SNX5: variants seen among roughly 807,000 people sequenced by gnomAD.
SNX5 encodes the protein sorting nexin 5.
SNX5 carries 31 observed loss-of-function variants against 53.9 expected under a neutral mutation model. That is an observed-to-expected ratio of 0.58 (90% CI 0.43 to 0.78). The LOEUF (loss-of-function observed/expected upper bound fraction) is 0.78, where lower values mean the gene tolerates loss of function less well. Among genes scored for constraint, SNX5 ranks in the 30% least tolerant of loss-of-function variants. The pLI, the probability that SNX5 is intolerant of heterozygous loss-of-function variation, is 0.00. For synonymous variants in SNX5, 168 were observed against 171.1 expected, an observed-to-expected ratio of 0.98 and a Z score of 0.14; for missense variants, 471 against 478.8, an observed-to-expected ratio of 0.98 and a Z score of 0.15.
Position 17,968,361 on chromosome 20 carries a change from T to G in SNX5, c.51+14A>C. 1.6e-6 allele frequency: 2 copies of G among 1,266,336 alleles called. No homozygotes were observed. Among genetic ancestry groups the G allele is most frequent in the Non-Finnish European group, 2.0e-6 (2 of 1,001,598 alleles). 78.4% of individuals were successfully genotyped at this position (1,266,336 alleles called of 1,614,324 possible). A position where few individuals can be genotyped will look rare whatever the true frequency, so the allele number is the denominator to read the frequency against. Reference sequence around the variant, plus strand: ...GGCCGCCCGCCCAGGAGTCTGAGGCTGGGAGGACCTCACCTTGCTGCGGTC... The same window carrying G: ...GGCCGCCCGCCCAGGAGTCTGAGGCGGGGAGGACCTCACCTTGCTGCGGTC... On this transcript the variant is annotated intron_variant, in intron 1 of 12. Transcript: ENST00000377759.
chr20:17,947,775 T>C, intron 10 of SNX5, 130 bp from the exon 11 acceptor site: 1 of 725,838 alleles, frequency 1.4e-6, no homozygotes. Context: ...TCCCAGAGTA[T>C]TTTTAAATCT....
At chr20:17,946,308 A>C (rs1259869139) in intron 11 of SNX5, among the ~76,000 whole-genome samples, 1 of 152,194 alleles carries the variant, frequency 6.6e-6, no homozygotes, top group African/African-American at 2.4e-5. Flanking sequence ...CGATGAGCAT[A>C]CTCAGATGCT....
At chr20:17,960,595 A>C (rs1187729060) in intron 1 of SNX5, among the ~76,000 whole-genome samples, 1 of 116,014 alleles carries the variant, frequency 8.6e-6, no homozygotes, top group African/African-American at 3.3e-5. Context: ...ACTCCGTCTT[A>C]AAAAAACAAA....
At chr20:17,949,585 CAG>C (rs913926234) in intron 8 of SNX5, among the ~76,000 whole-genome samples, 6 of 152,064 alleles carry the variant, frequency 3.9e-5, no homozygotes, top group African/African-American at 1.4e-4. Context: ...TACATAAGTG[CAG>C]AGTGAAAATG....
intron 1 of SNX5, among the ~76,000 whole-genome samples, chr20:17,960,813 A>C (rs1278718124): frequency 1.3e-5 from 2 of 151,880 alleles, no homozygotes; most frequent in Non-Finnish European, 2.9e-5. Flanking sequence ...CAAACCCAAC[A>C]ACCCAGCCTG....
At chr20:17,956,804 G>A (rs1230750438) in intron 2 of SNX5, 129 bp downstream of exon 2, 3 of 615,236 alleles carry the variant, frequency 4.9e-6, no homozygotes, top group African/African-American at 3.7e-5. Context: ...AGATTAGGGA[G>A]GTTCTCACTT....
At position 17,954,274 on chromosome 20, in the gene SNX5, C is replaced by A. The variant is rs2122381245; in HGVS notation, c.268-157G>T. The A allele has an allele frequency of 5.1e-6, 6 of 1,167,696 alleles. No homozygotes were observed. In the East Asian group the frequency reaches 1.4e-4, roughly 27 times the overall value. The allele number at this position is 1,167,696 out of a possible 1,614,324, so 72.3% of individuals were successfully genotyped here. ...CCTGTTTTTTCTTAACCTTCCTTAA[C>A]TCTTCTGGACATTTAAAATGAGGTG... On this transcript the variant is annotated intron_variant, in intron 3 of 12. Transcript: ENST00000377759.
chr20:17,961,547 G>A, intron 1 of SNX5: 1 of 984,166 alleles, frequency 1.0e-6, no homozygotes, highest in Non-Finnish European at 1.2e-6. Context: ...GTAAGACATG[G>A]ATACAATATG....
intron 1 of SNX5, chr20:17,961,295 T>C (rs908348771): frequency 1.0e-6 from 1 of 985,314 alleles, no homozygotes; most frequent in Non-Finnish European, 1.2e-6. Flanking sequence ...AAAGGTTTAA[T>C]GGCTTACAGA....
intron 11 of SNX5, chr20:17,945,184 C>T (rs1316361163): frequency 6.6e-6 from 1 of 152,160 alleles, no homozygotes; most frequent in East Asian, 1.9e-4. Flanking sequence ...TTTATCAGTC[C>T]CTTGGATATC....
chr20:17,947,485 C>A lies in SNX5; in HGVS notation c.1078+1G>T. On this transcript the variant is annotated splice_donor_variant, in intron 11 of 12. Transcript: ENST00000377759. LOFTEE classifies it high-confidence loss of function. ...ACAGAAAGAAGAATGTCCTGCTCAA[C>A]CTTCTTTTGCAGATTCGGAAAGTTG... The A allele has an allele frequency of 6.2e-7, 1 of 1,612,190 alleles. No homozygotes were observed. Among genetic ancestry groups the A allele is most frequent in the Non-Finnish European group, 8.5e-7 (1 of 1,179,252 alleles).
chr20:17,959,206 G>A (rs1205854431), intron 1 of SNX5, among the ~76,000 whole-genome samples: 1 of 152,214 alleles, frequency 6.6e-6, no homozygotes, highest in African/African-American at 2.4e-5. Flanking sequence ...ATGTAATCAA[G>A]TAAATGGAGC....
chr20:17,947,189 G>A (rs2039498077), intron 11 of SNX5: 2 of 305,844 alleles, frequency 6.5e-6, no homozygotes, highest in Non-Finnish European at 1.2e-5. Flanking sequence ...CAACCATACT[G>A]TAACCATACA....
chr20:17,956,668 G>C (rs2035360154), intron 2 of SNX5, among the ~76,000 whole-genome samples: 1 of 91,568 alleles, frequency 1.1e-5, no homozygotes, highest in Non-Finnish European at 1.9e-5. Flanking sequence ...CAATGAGACT[G>C]TCTCCAAAAA....
chr20:17,949,775 AAAG>A (rs745339178), intron 8 of SNX5, among the ~76,000 whole-genome samples: 3 of 152,224 alleles, frequency 2.0e-5, no homozygotes, highest in Admixed American at 1.3e-4. Flanking sequence ...GGCCAAAAAA[AAAG>A]AAGGTCTAGG....
rs778601423 is a variant in SNX5, at chr20:17,955,407, T to C, written c.225A>G (p.Leu75=). The change falls in exon 3 of 13, where the codon CTA becomes CTG. Residue 75 remains leucine (L), a synonymous_variant. Coordinates refer to ENST00000377759, the MANE Select transcript of SNX5 (RefSeq NM_014426.4). ...CTGTTGTTTCAATAAGAGTGTCATGTAGCCACACAAAGTCTTCATGTTGCC... is the reference window on the plus strand; with the variant it reads ...CTGTTGTTTCAATAAGAGTGTCATGCAGCCACACAAAGTCTTCATGTTGCC... ...VTRQHEDFVW[L]HDTLIETTDY... 1.2e-6 allele frequency: 2 copies of C among 1,614,104 alleles called. No individual in the cohort carries two copies. Among genetic ancestry groups the C allele is most frequent in the South Asian group, 2.2e-5 (2 of 91,084 alleles).
intron 5 of SNX5, among the ~76,000 whole-genome samples, chr20:17,952,098 C>G (rs2039578676): frequency 6.6e-6 from 1 of 152,096 alleles, no homozygotes; most frequent in African/African-American, 2.4e-5. Flanking sequence ...TGGTGGGCAC[C>G]TGTAATCCTA....
In SNX5 at chr20:17,942,475, A is replaced by G. The variant is rs2039431260; in HGVS notation, c.1165-68T>C. ...CTTGCCATATACCTGGAATGACTCA[A>G]GTACACCAACACGGCTTTTCACGGG... On this transcript the variant is annotated intron_variant, in intron 12 of 12. Coordinates refer to ENST00000377759, the MANE Select transcript of SNX5 (RefSeq NM_014426.4). 6.0e-6 allele frequency: 7 copies of G among 1,172,518 alleles called. No individual in the cohort carries two copies. In the East Asian group the frequency reaches 1.2e-4, roughly 20 times the overall value. 72.6% of individuals were successfully genotyped at this position (1,172,518 alleles called of 1,614,324 possible). A position where few individuals can be genotyped will look rare whatever the true frequency, so the allele number is the denominator to read the frequency against.
rs115021404 is a variant in SNX5 at position 17,947,007 on chromosome 20, T to C, written c.1078+479A>G. The C allele has an allele frequency of 3.2e-3, 490 of 152,532 alleles. 1 individual carries two copies. Among genetic ancestry groups the C allele is most frequent in the African/African-American group, 0.011 (447 of 41,550 alleles). 9.4% of individuals were successfully genotyped at this position (152,532 alleles called of 1,614,324 possible). A position where few individuals can be genotyped will look rare whatever the true frequency, so the allele number is the denominator to read the frequency against. On this transcript the variant is annotated intron_variant, in intron 11 of 12. Transcript: ENST00000377759. Reference sequence around the variant, plus strand: ...CAGAAATACAGGATTTGTAAAGAGATTCTCTAAAAAGACTGATACTGTTAA... The same window carrying C: ...CAGAAATACAGGATTTGTAAAGAGACTCTCTAAAAAGACTGATACTGTTAA...
Sources: gnomAD v4.1 joint callset for allele counts (sites outside exome capture counted in the v4.1 genomes callset) on GRCh38, gnomAD v4.1.1 for gene constraint, MANE v1.5 for transcripts, NCBI Gene and HGNC (gene_info 2026-07-23, HGNC 2026-07-21) for gene names.